The following KLF9 variants were observed in gnomAD, a reference collection of about 807,000 sequenced individuals.
The protein encoded by KLF9 is KLF transcription factor 9.
Under a neutral mutation model 17.3 loss-of-function variants are expected in KLF9, and 2 were observed. The ratio of observed to expected loss-of-function variants is 0.12; its 90% CI spans 0.05 to 0.36. The LOEUF is 0.36. KLF9 is among the 10% of genes least tolerant of loss of function. The pLI is 1.00. For synonymous variants in KLF9, 138 were observed against 139.2 expected (o/e 0.99, Z 0.06); for missense variants, 226 against 333.2 (o/e 0.68, Z 2.51).
intron 1 of KLF9, among the ~76,000 whole-genome samples, chr9:70,399,439 C>A (rs11142398): frequency 0.3 from 46,107 of 152,118 alleles, 8,650 homozygotes; most frequent in Non-Finnish European, 0.41. Context: ...CTTTGTTCAG[C>A]TATTTGTGGG....
At chr9:70,390,047 T>C (rs978132486) in intron 1 of KLF9, among the ~76,000 whole-genome samples, 3 of 152,338 alleles carry the variant, frequency 2.0e-5, no homozygotes, top group Admixed American at 2.0e-4. Flanking sequence ...CCCCAGCGTC[T>C]CTTAACCTGT....
In KLF9 at chr9:70,401,686, CA is replaced by C. The variant is rs34988097; in HGVS notation, c.505+11172del. On this transcript the variant is annotated intron_variant, in intron 1 of 1. Transcript: ENST00000377126. ...TGGGCAACAGAGCAAGACTCCTTCA[CA>C]AAAAAAAAAAAAAAAAAAGAAAAGA... Among the ~76,000 whole-genome samples the C allele has an allele frequency of 3.1e-3, 203 of 66,512 alleles. 1 individual carries two copies. Among genetic ancestry groups the C allele is most frequent in the Middle Eastern group, 0.014 (1 of 72 alleles). 43.6% of individuals were successfully genotyped at this position (66,512 alleles called of 152,430 possible).
chr9:70,412,186 C>CAAAAAAAAAAAAA (rs10644898), intron 1 of KLF9, among the ~76,000 whole-genome samples: 1 of 47,122 alleles, frequency 2.1e-5, no homozygotes, highest in African/African-American at 9.0e-5. Flanking sequence ...GTCACATGGC[C>CAAAAAAAAAAAAA]AAAAAAAAAA....
At position 70,387,199 on chromosome 9, in the gene KLF9, G is replaced by GT. The variant is rs563379794; in HGVS notation, c.*576dup. The GT allele has an allele frequency of 6.2e-3, 910 of 147,278 alleles. 4 individuals are homozygous for GT. Among genetic ancestry groups the GT allele is most frequent in the African/African-American group, 0.019 (753 of 39,826 alleles). 9.1% of individuals were successfully genotyped at this position (147,278 alleles called of 1,614,324 possible). A position where few individuals can be genotyped will look rare whatever the true frequency, so the allele number is the denominator to read the frequency against. On this transcript the variant is annotated 3_prime_UTR_variant, in exon 2 of 2. Transcript: ENST00000377126. ...TGCATAAAGACAGCTGTGCTATGGC[G>GT]TTTTTTTTTTTAATCTCAAAAGTTA...
At chr9:70,403,037 C>A (rs1156493790) in intron 1 of KLF9, among the ~76,000 whole-genome samples, 1 of 152,114 alleles carries the variant, frequency 6.6e-6, no homozygotes, top group Non-Finnish European at 1.5e-5. Flanking sequence ...GTAATCCCAG[C>A]TATTCGGGAG....
chr9:70,396,624 A>G (rs2037183136), intron 1 of KLF9, among the ~76,000 whole-genome samples: 1 of 151,630 alleles, frequency 6.6e-6, no homozygotes, highest in African/African-American at 2.4e-5. Context: ...CCCCATCTCT[A>G]CTACAATTTA....
In KLF9 at chr9:70,385,068, C is replaced by G. The variant is rs1252054121; in HGVS notation, c.*2708G>C. 6.6e-6 allele frequency: 1 copy of G among 152,592 alleles called. No individual in the cohort carries two copies. The highest frequency in any genetic ancestry group is 1.9e-4 in the East Asian group (1 of 5,204). 9.5% of individuals were successfully genotyped at this position (152,592 alleles called of 1,614,324 possible). ...CTACTTACAGTATTAGATAAAACAA[C>G]TTTTCTTTCTTTTTAAACACCTGCA... On this transcript the variant is annotated 3_prime_UTR_variant, in exon 2 of 2. Transcript: ENST00000377126.
intron 1 of KLF9, among the ~76,000 whole-genome samples, chr9:70,400,798 C>A (rs2118917395): frequency 6.6e-6 from 1 of 152,282 alleles, no homozygotes; most frequent in South Asian, 2.1e-4. Flanking sequence ...GGGCCACCAG[C>A]AGCTTTTCAA....
At chr9:70,398,974 A>G (rs2037202220) in intron 1 of KLF9, among the ~76,000 whole-genome samples, 1 of 152,048 alleles carries the variant, frequency 6.6e-6, no homozygotes, top group African/African-American at 2.4e-5. Context: ...GCTGGACCAC[A>G]GGTGCATGCC....
intron 1 of KLF9, among the ~76,000 whole-genome samples, chr9:70,401,966 A>G (rs913272620): frequency 6.6e-6 from 1 of 152,062 alleles, no homozygotes; most frequent in African/African-American, 2.4e-5. Context: ...AGTGAGCGAG[A>G]TCATGCCACT....
rs536127286 is a variant in KLF9 at position 70,406,573 on chromosome 9, C to T, written c.505+6286G>A. Among the ~76,000 whole-genome samples the T allele has an allele frequency of 2.0e-4, 30 of 152,246 alleles. No individual in the cohort carries two copies. The East Asian group carries it at 4.6e-3, about 23-fold the overall frequency. The stretch of plus-strand genomic sequence containing the variant: ...GACTAACTTTCAACAAAAAGTGGGG[C>T]GGAGAAAGAGAGCCAGGATTGCTCA... On this transcript the variant is annotated intron_variant, in intron 1 of 1. Coordinates refer to ENST00000377126, the MANE Select transcript of KLF9 (RefSeq NM_001206.4).
At chr9:70,411,545 G>A (rs926158906) in intron 1 of KLF9, among the ~76,000 whole-genome samples, 7 of 152,174 alleles carry the variant, frequency 4.6e-5, no homozygotes, top group African/African-American at 1.7e-4. Context: ...AATTCAGTCT[G>A]ATTCCGGTGC....
chr9:70,412,030 T>G (rs1032758254), intron 1 of KLF9, among the ~76,000 whole-genome samples: 2 of 151,866 alleles, frequency 1.3e-5, no homozygotes, highest in African/African-American at 4.8e-5. Flanking sequence ...CACATTCATT[T>G]GTACGGCCAT....
chr9:70,412,140 G>C, intron 1 of KLF9, among the ~76,000 whole-genome samples: 1 of 116,842 alleles, frequency 8.6e-6, no homozygotes, highest in Non-Finnish European at 1.6e-5. Flanking sequence ...ACACCTCCCT[G>C]CAAACCGCGA....
intron 1 of KLF9, among the ~76,000 whole-genome samples, chr9:70,398,582 G>C (rs558511549): frequency 6.6e-6 from 1 of 150,760 alleles, no homozygotes; most frequent in Admixed American, 6.6e-5. Flanking sequence ...TCTGCCTCCC[G>C]GGTTCAAGCA....
rs1288597411 is a variant in KLF9 at position 70,386,169 on chromosome 9, T to C, written c.*1607A>G. 2 of 152,486 alleles carry C rather than the reference T, an allele frequency of 1.3e-5. No individual in the cohort carries two copies. The highest frequency in any genetic ancestry group is 2.9e-5 in the Non-Finnish European group (2 of 67,968). The allele number at this position is 152,486 out of a possible 1,614,324, so 9.4% of individuals were successfully genotyped here. On this transcript the variant is annotated 3_prime_UTR_variant, in exon 2 of 2. Coordinates refer to ENST00000377126, the MANE Select transcript of KLF9 (RefSeq NM_001206.4). ...TAAAATCATCAGAAAGCGTTACTTCTGAAGAAAAAAAAAATGTAAACATTT... is the reference window on the plus strand; with the variant it reads ...TAAAATCATCAGAAAGCGTTACTTCCGAAGAAAAAAAAAATGTAAACATTT...
intron 1 of KLF9, among the ~76,000 whole-genome samples, chr9:70,389,472 C>T (rs563957104): frequency 7.0e-4 from 107 of 152,300 alleles, no homozygotes; most frequent in Admixed American, 2.2e-3. Context: ...AAGGCCCGTG[C>T]TCTTGGCCAC....
rs184853750 is a variant in KLF9 at position 70,401,963 on chromosome 9, G to A, written c.505+10896C>T. 4.1e-3 allele frequency among the ~76,000 whole-genome samples: 626 copies of A among 151,878 alleles called. 4 individuals carry two copies. Among genetic ancestry groups the A allele is most frequent in the African/African-American group, 0.013 (553 of 41,420 alleles). On this transcript the variant is annotated intron_variant, in intron 1 of 1. Coordinates refer to ENST00000377126, the MANE Select transcript of KLF9 (RefSeq NM_001206.4). Reference sequence around the variant, plus strand: ...CTAGGAGGCGGAGGTTGCAGTGAGCGAGATCATGCCACTGCACTCCAGCCT... The same window carrying A: ...CTAGGAGGCGGAGGTTGCAGTGAGCAAGATCATGCCACTGCACTCCAGCCT...
At chr9:70,406,558 C>G (rs2037256447) in intron 1 of KLF9, among the ~76,000 whole-genome samples, 1 of 152,270 alleles carries the variant, frequency 6.6e-6, no homozygotes, top group South Asian at 2.1e-4. Context: ...GACTAACTTT[C>G]AACAAAAAGT....
Sources: allele counts gnomAD v4.1 joint callset (sites outside exome capture counted in the v4.1 genomes callset), GRCh38; gene constraint gnomAD v4.1.1; transcripts MANE v1.5; gene names NCBI Gene and HGNC (gene_info 2026-07-23, HGNC 2026-07-21).